Variants in TOM1L1 observed in about 807,000 individuals in gnomAD.
The protein encoded by TOM1L1 is target of myb1 like 1 membrane trafficking protein.
Under a neutral mutation model 63.4 loss-of-function variants are expected in TOM1L1, and 64 were observed. That is an observed-to-expected ratio of 1.01 (90% CI 0.83 to 1.24). The LOEUF (loss-of-function observed/expected upper bound fraction) is 1.24, where lower values mean the gene tolerates loss of function less well. TOM1L1 is among the 50% of genes most tolerant of loss of function. TOM1L1 has a pLI of 0.00. For synonymous variants in TOM1L1, 166 were observed against 194.4 expected, an observed-to-expected ratio of 0.85 and a Z score of 1.22; for missense variants, 536 against 567.0, an observed-to-expected ratio of 0.95 and a Z score of 0.55.
chr17:54,954,146 C>A (rs1418357738), intron 14 of TOM1L1: 1 of 152,178 alleles, frequency 6.6e-6, no homozygotes, highest in Non-Finnish European at 1.5e-5. Flanking sequence ...GTTATCAGCA[C>A]ACATATTGTC....
intron 8 of TOM1L1, among the ~76,000 whole-genome samples, chr17:54,933,339 C>T (rs1379362811): frequency 6.6e-6 from 1 of 152,212 alleles, no homozygotes; most frequent in Admixed American, 6.5e-5. Flanking sequence ...ACATTGGGTT[C>T]ATCTGTACAG....
At chr17:54,953,663 A>G (rs954598526) in intron 14 of TOM1L1, 86 of 152,436 alleles carry the variant, frequency 5.6e-4, no homozygotes, top group African/African-American at 1.9e-3. Flanking sequence ...TCACTCACCC[A>G]TGCCATCTTC....
intron 14 of TOM1L1, chr17:54,956,711 C>G (rs2049523709): frequency 6.6e-6 from 1 of 152,054 alleles, no homozygotes; most frequent in South Asian, 2.1e-4. Context: ...TTCCAAAGTG[C>G]TGGGATTATA....
intron 3 of TOM1L1, chr17:54,906,918 G>C: frequency 6.7e-6 from 4 of 593,126 alleles, no homozygotes; most frequent in Non-Finnish European, 8.5e-6. Context: ...GCATGGTCAC[G>C]GCACTAATCA....
chr17:54,918,706 C>T (rs994668534), intron 7 of TOM1L1, among the ~76,000 whole-genome samples: 1 of 152,182 alleles, frequency 6.6e-6, no homozygotes, highest in Admixed American at 6.5e-5. Context: ...GAGTATTTCT[C>T]ATTGGTTGTA....
intron 8 of TOM1L1, 33 bp downstream of exon 8, chr17:54,930,239 T>C (rs771536471): frequency 6.2e-7 from 1 of 1,612,444 alleles, no homozygotes; most frequent in South Asian, 1.1e-5. Flanking sequence ...TTACCCCTCT[T>C]CCATTTCTAC....
intron 11 of TOM1L1, among the ~76,000 whole-genome samples, chr17:54,946,668 C>G (rs2908862): frequency 0.99 from 150,431 of 152,300 alleles, 74,438 homozygotes; most frequent in African/African-American, 1. Flanking sequence ...AGAATGAGAA[C>G]CCTTCTCCTA....
At chr17:54,938,114 G>A (rs2048978813) in intron 10 of TOM1L1, 1 of 152,210 alleles carries the variant, frequency 6.6e-6, no homozygotes, top group Non-Finnish European at 1.5e-5. Context: ...TGTAGAGTCA[G>A]TTACATTGGA....
At position 54,961,336 on chromosome 17, in the gene TOM1L1, T is replaced by C. The variant is rs1468020723; in HGVS notation, c.*103T>C. The C allele has an allele frequency of 2.6e-6, 4 of 1,551,464 alleles. No homozygotes were observed. The highest frequency in any genetic ancestry group is 3.5e-6 in the Non-Finnish European group (4 of 1,146,852). On this transcript the variant is annotated 3_prime_UTR_variant, in exon 16 of 16. Transcript: ENST00000575882. ...GCCTGGAAGACAATACCTACCAACA[T>C]GTCAAAGCCATGGTGGCACATTTCT... is the stretch of plus-strand genomic sequence containing the variant.
intron 3 of TOM1L1, among the ~76,000 whole-genome samples, chr17:54,908,838 A>G (rs958973819): frequency 6.6e-6 from 1 of 152,224 alleles, no homozygotes; most frequent in Non-Finnish European, 1.5e-5. Flanking sequence ...TCAATTAGTT[A>G]ATAGGCCTTT....
Position 54,949,518 on chromosome 17 carries a change from T to C in TOM1L1, c.1183T>C (p.Phe395Leu). 1 of 1,612,476 alleles carries C rather than the reference T, an allele frequency of 6.2e-7. No individual in the cohort carries two copies. The highest frequency in any genetic ancestry group is 8.5e-7 in the Non-Finnish European group (1 of 1,178,568). The change falls in exon 13 of 16, where the codon TTT becomes CTT. Residue 395 changes from phenylalanine (F) to leucine (L), a missense_variant and splice_region_variant. Coordinates refer to ENST00000575882, the MANE Select transcript of TOM1L1 (RefSeq NM_005486.3). ...TGAACATGTGTTATGCTTTCTTCAG[T>C]TTCTGGAACATTCAAATTCAGTGTT... ...NLTSSHAYDN[F>L]LEHSNSVFLQ...
chr17:54,910,567 T>G (rs1398898001), intron 3 of TOM1L1, among the ~76,000 whole-genome samples: 2 of 152,200 alleles, frequency 1.3e-5, no homozygotes, highest in African/African-American at 2.4e-5. Context: ...ACTAGTTAGG[T>G]GAAATATTTC....
Position 54,912,665 on chromosome 17 carries a change from G to T in TOM1L1, c.223-1G>T, listed in dbSNP as rs1236401383. On this transcript the variant is annotated splice_acceptor_variant, in intron 3 of 15. Transcript: ENST00000575882. LOFTEE classifies it high-confidence loss of function. ...AATGTTTAATTTTTTTTCTAATTTA[G>T]CTTATTGACATGTGTGTGCAGAACT... 2 of 1,527,538 alleles carry T rather than the reference G, an allele frequency of 1.3e-6. No homozygotes were observed. The highest frequency in any genetic ancestry group is 8.7e-7 in the Non-Finnish European group (1 of 1,144,462). 94.6% of individuals were successfully genotyped at this position (1,527,538 alleles called of 1,614,324 possible).
chr17:54,955,504 C>T (rs934073098), intron 14 of TOM1L1, among the ~76,000 whole-genome samples: 2 of 152,148 alleles, frequency 1.3e-5, no homozygotes, highest in African/African-American at 2.4e-5. Context: ...AAAACAAAGC[C>T]TGATATTTTA....
chr17:54,943,441 G>GGTGTGTGTGTGTGTGTGT (rs10694555), intron 11 of TOM1L1, among the ~76,000 whole-genome samples: 85 of 134,436 alleles, frequency 6.3e-4, no homozygotes, highest in African/African-American at 2.3e-3. Context: ...TTTGTATAAT[G>GGTGTGTGTGTGTGTGTGT]GTGTGTGTGT....
chr17:54,931,913 ATGCT>A (rs779192978), intron 8 of TOM1L1, among the ~76,000 whole-genome samples: 11 of 150,906 alleles, frequency 7.3e-5, no homozygotes, highest in Non-Finnish European at 1.5e-4. Context: ...CCTAGGAACC[ATGCT>A]TGCTTTCTTT....
intron 11 of TOM1L1, among the ~76,000 whole-genome samples, chr17:54,941,269 T>C (rs893976512): frequency 6.6e-6 from 1 of 152,218 alleles, no homozygotes; most frequent in African/African-American, 2.4e-5. Context: ...TAAATACTTA[T>C]GTACCCAATC....
At chr17:54,934,698 G>A (rs1475076583) in intron 8 of TOM1L1, among the ~76,000 whole-genome samples, 7 of 148,082 alleles carry the variant, frequency 4.7e-5, no homozygotes, top group African/African-American at 7.7e-5. Flanking sequence ...AGAAGCTAGT[G>A]CTATAACTAG....
chr17:54,949,203 A>ATATTTTTT lies in TOM1L1; in HGVS notation c.1183-314_1183-313insATTTTTTT, dbSNP rs549971533. The stretch of plus-strand genomic sequence containing the variant: ...CAGGTGTGAGCCACCATGCCCAGCT[A>ATATTTTTT]TTTTTTTTTTTTTTTTGTAGAGTTG... On this transcript the variant is annotated intron_variant, in intron 12 of 15. Transcript: ENST00000575882. Among the ~76,000 whole-genome samples, 6 of 122,296 alleles carry ATATTTTTT rather than the reference A, an allele frequency of 4.9e-5. No individual in the cohort carries two copies. In the East Asian group the frequency reaches 1.3e-3, roughly 27 times the overall value. 80.2% of individuals were successfully genotyped at this position (122,296 alleles called of 152,430 possible).
Sources: allele counts gnomAD v4.1 joint callset (sites outside exome capture counted in the v4.1 genomes callset), GRCh38; gene constraint gnomAD v4.1.1; transcripts MANE v1.5; gene names NCBI Gene and HGNC (gene_info 2026-07-23, HGNC 2026-07-21).